Variants in RABGAP1L observed in about 807,000 individuals in gnomAD.
The protein encoded by RABGAP1L is rab GTPase-activating protein 1-like.
A neutral mutation model predicts 137.7 loss-of-function variants in RABGAP1L; 63 were observed. That is an observed-to-expected ratio of 0.46 (90% CI 0.37 to 0.56). The LOEUF (loss-of-function observed/expected upper bound fraction) is 0.56. Ranked by LOEUF, RABGAP1L falls within the 20% of genes least tolerant of loss-of-function variation. The pLI, the probability that RABGAP1L is intolerant of heterozygous loss-of-function variation, is 0.00. For synonymous variants in RABGAP1L, 431 were observed against 433.7 expected (o/e 0.99, Z 0.08); for missense variants, 1,095 against 1,244.0 (o/e 0.88, Z 1.80).
At chr1:174,610,520 T>C (rs1230480377) in intron 13 of RABGAP1L, among the ~76,000 whole-genome samples, 1 of 152,136 alleles carries the variant, frequency 6.6e-6, no homozygotes, top group Non-Finnish European at 1.5e-5. Flanking sequence ...AACATACGTG[T>C]GCACGTGTCT....
At chr1:174,508,568 T>C (rs576568147) in intron 13 of RABGAP1L, among the ~76,000 whole-genome samples, 1 of 152,340 alleles carries the variant, frequency 6.6e-6, no homozygotes, top group East Asian at 1.9e-4. Flanking sequence ...TGAATTGGTA[T>C]GTCATTTGCA....
At chr1:174,892,127 TGGC>T (rs1464446579) in intron 19 of RABGAP1L, among the ~76,000 whole-genome samples, 4 of 152,250 alleles carry the variant, frequency 2.6e-5, no homozygotes, top group Non-Finnish European at 4.4e-5. Context: ...GTGGCTTCCC[TGGC>T]TCCTGCAAGC....
intron 19 of RABGAP1L, among the ~76,000 whole-genome samples, chr1:174,837,525 C>G (rs1692894707): frequency 1.3e-5 from 2 of 152,164 alleles, no homozygotes; most frequent in Non-Finnish European, 2.9e-5. Flanking sequence ...GAGCATGCCC[C>G]CATGAGAGCT....
At chr1:174,539,239 A>T (rs1665152193) in intron 13 of RABGAP1L, among the ~76,000 whole-genome samples, 1 of 151,988 alleles carries the variant, frequency 6.6e-6, no homozygotes, top group African/African-American at 2.4e-5. Flanking sequence ...AGCATCAGGT[A>T]AACCGGGGTT....
chr1:174,612,258 A>G lies in RABGAP1L; in HGVS notation c.1711-25117A>G, dbSNP rs1281527196. Among the ~76,000 whole-genome samples, 4 of 152,242 alleles carry G rather than the reference A, an allele frequency of 2.6e-5. No individual in the cohort carries two copies. In the East Asian group the frequency reaches 7.7e-4, roughly 29 times the overall value. On this transcript the variant is annotated intron_variant, in intron 13 of 25. Transcript: ENST00000681986. ...AATACCTAATTTATTGAGAGTTTTT[A>G]GCATGAAGCATTGTTGAATTTTGTC...
chr1:174,466,306 T>C (rs542752667), intron 13 of RABGAP1L, among the ~76,000 whole-genome samples: 1 of 152,344 alleles, frequency 6.6e-6, no homozygotes, highest in African/African-American at 2.4e-5. Flanking sequence ...GCAAAAATGA[T>C]GTATACAGAA....
At position 174,644,782 on chromosome 1, in the gene RABGAP1L, A is replaced by G. The variant is rs79271417; in HGVS notation, c.1824+7294A>G. 4.1e-3 allele frequency among the ~76,000 whole-genome samples: 623 copies of G among 152,250 alleles called. 6 individuals carry two copies. The highest frequency in any genetic ancestry group is 0.012 in the African/African-American group (502 of 41,542). On this transcript the variant is annotated intron_variant, in intron 14 of 25. Coordinates refer to ENST00000681986, the MANE Select transcript of RABGAP1L (RefSeq NM_001366446.1). ...TTGTTATGCAGTTGACAATATTTTT[A>G]TAAGTGAAGCCTCCTCTTCCCGCAC...
At chr1:174,819,562 C>T (rs568862218) in intron 19 of RABGAP1L, among the ~76,000 whole-genome samples, 1 of 152,208 alleles carries the variant, frequency 6.6e-6, no homozygotes, top group East Asian at 1.9e-4. Context: ...GAGCAAAGAG[C>T]AAAGGAACCT....
At chr1:174,243,228 G>C (rs1248334018) in intron 5 of RABGAP1L, 1 of 152,154 alleles carries the variant, frequency 6.6e-6, no homozygotes, top group East Asian at 1.9e-4. Flanking sequence ...TTTAGAGTAG[G>C]GGAAGTGTTT....
At chr1:174,602,859 T>C (rs1670517859) in intron 13 of RABGAP1L, among the ~76,000 whole-genome samples, 1 of 152,156 alleles carries the variant, frequency 6.6e-6, no homozygotes, top group East Asian at 1.9e-4. Context: ...TGTGTTGTCT[T>C]GAAGTTTGTT....
intron 13 of RABGAP1L, among the ~76,000 whole-genome samples, chr1:174,622,944 G>C (rs1329720066): frequency 6.6e-6 from 1 of 152,024 alleles, no homozygotes; most frequent in East Asian, 1.9e-4. Flanking sequence ...ACTTTTCTTT[G>C]AAGTTTCAGG....
intron 17 of RABGAP1L, among the ~76,000 whole-genome samples, chr1:174,729,481 A>G (rs2148616959): frequency 6.6e-6 from 1 of 152,294 alleles, no homozygotes; most frequent in East Asian, 1.9e-4. Context: ...GACAAGTGGA[A>G]CCTAATTAAA....
chr1:174,276,603 CTA>C (rs1232843615), intron 9 of RABGAP1L, among the ~76,000 whole-genome samples: 5 of 152,130 alleles, frequency 3.3e-5, no homozygotes, highest in Non-Finnish European at 5.9e-5. Flanking sequence ...AAATTATTAA[CTA>C]TTTTTGCATT....
At chr1:174,701,024 A>T in intron 16 of RABGAP1L, 1 of 1,287,478 alleles carries the variant, frequency 7.8e-7, no homozygotes, top group Non-Finnish European at 1.0e-6. Flanking sequence ...CCTAATGGGC[A>T]CATTTGGCTA....
intron 19 of RABGAP1L, among the ~76,000 whole-genome samples, chr1:174,904,558 C>T (rs1461221989): frequency 1.3e-5 from 2 of 152,222 alleles, no homozygotes; most frequent in Non-Finnish European, 2.9e-5. Flanking sequence ...GAAAACTCTG[C>T]TTTGTAACTA....
At position 174,931,990 on chromosome 1, in the gene RABGAP1L, G is replaced by GTTTTTTTTT. The variant is rs532860564; in HGVS notation, c.2341-25451_2341-25443dup. Among the ~76,000 whole-genome samples, 93 of 69,610 alleles carry GTTTTTTTTT rather than the reference G, an allele frequency of 1.3e-3. 1 individual carries two copies. The highest frequency in any genetic ancestry group is 1.8e-3 in the Non-Finnish European group (66 of 37,064). 45.7% of individuals were successfully genotyped at this position (69,610 alleles called of 152,430 possible). ...AAAATTTCTTTAGACTGCTTTTTTG[G>GTTTTTTTTT]TTTTTTTTTTTTTTTTTTTTTTTTG... On this transcript the variant is annotated intron_variant, in intron 19 of 25. Coordinates refer to ENST00000681986, the MANE Select transcript of RABGAP1L (RefSeq NM_001366446.1).
intron 13 of RABGAP1L, among the ~76,000 whole-genome samples, chr1:174,530,835 A>ATACATACGTACG (rs1427854747): frequency 5.3e-4 from 67 of 126,430 alleles, no homozygotes; most frequent in Non-Finnish European, 7.5e-4. Flanking sequence ...ACATACATAC[A>ATACATACGTACG]TACGTACGTT....
intron 19 of RABGAP1L, chr1:174,922,562 C>T (rs2149233350): frequency 6.6e-6 from 1 of 152,310 alleles, no homozygotes; most frequent in African/African-American, 2.4e-5. Flanking sequence ...GGCTTAAGAA[C>T]ATAACCTATC....
chr1:174,909,717 G>C (rs957498889), intron 19 of RABGAP1L, among the ~76,000 whole-genome samples: 2 of 152,152 alleles, frequency 1.3e-5, no homozygotes, highest in African/African-American at 2.4e-5. Context: ...TGAAACCTCA[G>C]AAATACAAAG....
Sources: gnomAD v4.1 joint callset for allele counts (sites outside exome capture counted in the v4.1 genomes callset) on GRCh38, gnomAD v4.1.1 for gene constraint, MANE v1.5 for transcripts, NCBI Gene and HGNC (gene_info 2026-07-23, HGNC 2026-07-21) for gene names.